The following HMGCLL1 variants were observed in gnomAD, a reference collection of about 807,000 sequenced individuals.
HMGCLL1 encodes 3-hydroxy-3-methylglutaryl-CoA lyase like 1.
HMGCLL1 carries 36 observed loss-of-function variants against 39.1 expected under a neutral mutation model. The ratio of observed to expected loss-of-function variants is 0.92; its 90% CI spans 0.71 to 1.22. HMGCLL1 has a LOEUF of 1.22. Among genes scored for constraint, HMGCLL1 ranks in the 50% most tolerant of loss-of-function variants. The pLI is 0.00. For missense variants in HMGCLL1, 451 were observed against 416.5 expected, an observed-to-expected ratio of 1.08 and a Z score of -0.72; for synonymous variants, 149 against 144.0, an observed-to-expected ratio of 1.03 and a Z score of -0.25.
chr6:55,637,266 G>T, the HMGCLL1 span, among the ~76,000 whole-genome samples: 2 of 152,038 alleles, frequency 1.3e-5, no homozygotes, highest in Non-Finnish European at 2.9e-5. Context: ...TCTGAGCAAT[G>T]GTAGATTATA....
At chr6:55,653,412 A>C in the HMGCLL1 span, among the ~76,000 whole-genome samples, 1 of 152,052 alleles carries the variant, frequency 6.6e-6, no homozygotes, top group Non-Finnish European at 1.5e-5. Context: ...AATACAAAAC[A>C]GTTTGGATTT....
At chr6:55,490,036 T>C (rs1213907413) in intron 7 of HMGCLL1, among the ~76,000 whole-genome samples, 3 of 152,082 alleles carry the variant, frequency 2.0e-5, no homozygotes, top group African/African-American at 7.2e-5. Context: ...CTTGGCCCCA[T>C]GGAAAGTGAA....
chr6:55,499,317 C>G lies in HMGCLL1; in HGVS notation c.543-18G>C, dbSNP rs776696732. 2 of 1,572,534 alleles carry G rather than the reference C, an allele frequency of 1.3e-6. No homozygotes were observed. The highest frequency in any genetic ancestry group is 1.8e-5 in the Admixed American group (1 of 55,018). On this transcript the variant is annotated intron_variant, in intron 5 of 8. Transcript: ENST00000274901. ...ACACATACCTAAATTAAAAATACAG[C>G]CTTATAAATATGCATATGGTAAATA...
At chr6:55,440,863 C>T (rs1413148514) in intron 7 of HMGCLL1, among the ~76,000 whole-genome samples, 2 of 152,070 alleles carry the variant, frequency 1.3e-5, no homozygotes, top group African/African-American at 4.8e-5. Flanking sequence ...TGCCTTCCTT[C>T]CCTTCTTTAC....
At chr6:55,649,417 A>G in the HMGCLL1 span, among the ~76,000 whole-genome samples, 1 of 147,202 alleles carries the variant, frequency 6.8e-6, no homozygotes, top group Non-Finnish European at 1.5e-5. Flanking sequence ...ATGACATGCC[A>G]CTCTCTCCCG....
chr6:55,644,603 T>A, the HMGCLL1 span, among the ~76,000 whole-genome samples: 1 of 152,036 alleles, frequency 6.6e-6, no homozygotes, highest in African/African-American at 2.4e-5. Flanking sequence ...CCAAGTTTTA[T>A]TCTTCTGCTC....
chr6:55,486,440 G>A (rs137939987), intron 7 of HMGCLL1, among the ~76,000 whole-genome samples: 1 of 152,058 alleles, frequency 6.6e-6, no homozygotes, highest in African/African-American at 2.4e-5. Flanking sequence ...ATTTCGGGGG[G>A]CAACTCTGCA....
chr6:55,622,520 A>C, the HMGCLL1 span, among the ~76,000 whole-genome samples: 1 of 152,084 alleles, frequency 6.6e-6, no homozygotes, highest in South Asian at 2.1e-4. Flanking sequence ...GTATCAGTTG[A>C]GATGATCATA....
chr6:55,665,631 G>A, the HMGCLL1 span, among the ~76,000 whole-genome samples: 1 of 151,840 alleles, frequency 6.6e-6, no homozygotes. Context: ...GCCAGCCAAA[G>A]CCTTTCTTTT....
At chr6:55,555,875 T>G (rs765938808) in intron 1 of HMGCLL1, among the ~76,000 whole-genome samples, 2 of 152,146 alleles carry the variant, frequency 1.3e-5, no homozygotes, top group Non-Finnish European at 2.9e-5. Flanking sequence ...TTTTAAACAG[T>G]AGGTCCCATG....
the HMGCLL1 span, among the ~76,000 whole-genome samples, chr6:55,664,571 T>C: frequency 6.6e-6 from 1 of 151,762 alleles, no homozygotes; most frequent in South Asian, 2.1e-4. Context: ...CAAATTTAAG[T>C]ATTTTGATTT....
In HMGCLL1 at chr6:55,570,859, A is replaced by G. The variant is rs539841382; in HGVS notation, c.108+8089T>C. On this transcript the variant is annotated intron_variant, in intron 1 of 8. Transcript: ENST00000274901. The stretch of plus-strand genomic sequence containing the variant: ...TTATAAATAAAAAGAACTTTAATGG[A>G]TTCACAGTTCCACATGGCTAGGGAG... Among the ~76,000 whole-genome samples the G allele has an allele frequency of 7.2e-5, 11 of 152,326 alleles. No homozygotes were observed. The East Asian group carries it at 1.9e-3, about 27-fold the overall frequency.
At chr6:55,678,066 T>C in the HMGCLL1 span, among the ~76,000 whole-genome samples, 1 of 152,148 alleles carries the variant, frequency 6.6e-6, no homozygotes, top group Non-Finnish European at 1.5e-5. Flanking sequence ...CATGCTGAAA[T>C]TAACTATGAG....
At chr6:55,512,828 A>G (rs889582192) in intron 5 of HMGCLL1, 3 of 151,972 alleles carry the variant, frequency 2.0e-5, no homozygotes, top group African/African-American at 7.2e-5. Context: ...CCAGCTTTCA[A>G]CCTTCTATTA....
chr6:55,444,256 T>G (rs1409597414), intron 7 of HMGCLL1, among the ~76,000 whole-genome samples: 4 of 152,096 alleles, frequency 2.6e-5, no homozygotes, highest in African/African-American at 4.8e-5. Context: ...CTCGTCAATA[T>G]TCTTTGTCCC....
intron 7 of HMGCLL1, among the ~76,000 whole-genome samples, chr6:55,484,989 T>A (rs975123877): frequency 6.6e-6 from 1 of 152,140 alleles, no homozygotes; most frequent in Non-Finnish European, 1.5e-5. Flanking sequence ...ATTCTCTTCC[T>A]TACTCACTTA....
the HMGCLL1 span, among the ~76,000 whole-genome samples, chr6:55,609,907 C>A: frequency 2.0e-5 from 3 of 151,924 alleles, no homozygotes; most frequent in Non-Finnish European, 4.4e-5. Context: ...TGAACAGGGC[C>A]CGAAGTGAAC....
chr6:55,537,021 A>AAT (rs1450380085), intron 3 of HMGCLL1, among the ~76,000 whole-genome samples: 2 of 152,194 alleles, frequency 1.3e-5, no homozygotes, highest in Non-Finnish European at 2.9e-5. Context: ...TATTTCAACC[A>AAT]ATATATATGT....
At chr6:55,561,685 T>C (rs928960473) in intron 1 of HMGCLL1, among the ~76,000 whole-genome samples, 8 of 152,166 alleles carry the variant, frequency 5.3e-5, no homozygotes, top group African/African-American at 1.4e-4. Flanking sequence ...AGCTGTAAAA[T>C]TGATTTGAAC....
Sources: allele counts gnomAD v4.1 joint callset (sites outside exome capture counted in the v4.1 genomes callset), GRCh38; gene constraint gnomAD v4.1.1; transcripts MANE v1.5; gene names NCBI Gene and HGNC (gene_info 2026-07-23, HGNC 2026-07-21).